GRIA1: variants seen among roughly 807,000 people sequenced by gnomAD.
GRIA1 encodes the protein glutamate ionotropic receptor AMPA type subunit 1, also known as glutamate receptor 1.
Under a neutral mutation model 99.2 loss-of-function variants are expected in GRIA1, and 31 were observed. That is an observed-to-expected ratio of 0.31 (90% CI 0.23 to 0.42). The LOEUF (loss-of-function observed/expected upper bound fraction) is 0.42. GRIA1 is among the 10% of genes least tolerant of loss of function. GRIA1 has a pLI of 1.00. For missense variants in GRIA1, 782 were observed against 1,157.5 expected (o/e 0.68, Z 4.71); for synonymous variants, 438 against 432.4 (o/e 1.01, Z -0.16).
At chr5:153,561,741 T>C (rs1304370811) in intron 2 of GRIA1, among the ~76,000 whole-genome samples, 1 of 152,184 alleles carries the variant, frequency 6.6e-6, no homozygotes, top group Non-Finnish European at 1.5e-5. Context: ...ATTCTTACCA[T>C]CATCACCATC....
At chr5:153,806,791 T>C (rs1425540706) in intron 15 of GRIA1, among the ~76,000 whole-genome samples, 1 of 152,220 alleles carries the variant, frequency 6.6e-6, no homozygotes, top group Non-Finnish European at 1.5e-5. Context: ...TCTACACATT[T>C]TCATTAACCA....
intron 4 of GRIA1, among the ~76,000 whole-genome samples, chr5:153,652,462 G>A (rs1487422311): frequency 6.6e-6 from 1 of 152,114 alleles, no homozygotes; most frequent in East Asian, 1.9e-4. Flanking sequence ...ATGAAGAAAA[G>A]AGAGATTATA....
intron 8 of GRIA1, among the ~76,000 whole-genome samples, chr5:153,687,345 C>T (rs1226509104): frequency 6.6e-6 from 1 of 152,166 alleles, no homozygotes; most frequent in East Asian, 1.9e-4. Flanking sequence ...TTTATTTGAG[C>T]TCTTTGTTCC....
chr5:153,638,612 T>A (rs1000641482), intron 2 of GRIA1, among the ~76,000 whole-genome samples: 1 of 152,222 alleles, frequency 6.6e-6, no homozygotes, highest in African/African-American at 2.4e-5. Flanking sequence ...GGTGAGACCC[T>A]AAAGAGACTG....
intron 2 of GRIA1, among the ~76,000 whole-genome samples, chr5:153,546,165 A>G (rs752000187): frequency 1.1e-4 from 16 of 152,244 alleles, no homozygotes; most frequent in Non-Finnish European, 2.4e-4. Flanking sequence ...TGATTGACCT[A>G]TGTTGAAAGG....
intron 2 of GRIA1, among the ~76,000 whole-genome samples, chr5:153,534,605 T>C (rs1022918862): frequency 6.6e-6 from 1 of 152,228 alleles, no homozygotes; most frequent in East Asian, 1.9e-4. Flanking sequence ...GTATTGGTAG[T>C]TGCTCACAGA....
chr5:153,529,718 G>A (rs1300916983), intron 2 of GRIA1, among the ~76,000 whole-genome samples: 1 of 152,138 alleles, frequency 6.6e-6, no homozygotes, highest in African/African-American at 2.4e-5. Flanking sequence ...AGGGTTATTC[G>A]TAACTGATGC....
chr5:153,777,753 A>G (rs1764355382), intron 13 of GRIA1, among the ~76,000 whole-genome samples: 1 of 152,044 alleles, frequency 6.6e-6, no homozygotes. Context: ...GTCCTCCCCC[A>G]CAGAGAACAT....
chr5:153,703,758 G>A lies in GRIA1; in HGVS notation c.1453-1939G>A, dbSNP rs568767507. On this transcript the variant is annotated intron_variant, in intron 10 of 15. Coordinates refer to ENST00000285900, the MANE Select transcript of GRIA1 (RefSeq NM_000827.4). ...GTCTCAAAAAAAGAAAAGGCAATAT[G>A]GATCAATGATTTCCAGTCTATGATC... Among the ~76,000 whole-genome samples the A allele has an allele frequency of 2.6e-5, 4 of 152,212 alleles. No homozygotes were observed. The East Asian group carries it at 7.7e-4, about 29-fold the overall frequency.
At chr5:153,560,472 C>T (rs1181718301) in intron 2 of GRIA1, among the ~76,000 whole-genome samples, 1 of 152,080 alleles carries the variant, frequency 6.6e-6, no homozygotes, top group South Asian at 2.1e-4. Flanking sequence ...AGGGAGGGAC[C>T]AGGTGGGAGG....
In GRIA1 at chr5:153,565,993, T is replaced by C. The variant is rs557447466; in HGVS notation, c.220+71928T>C. On this transcript the variant is annotated intron_variant, in intron 2 of 15. Transcript: ENST00000285900. ...TCATTTTTCTTGAGTGTGTACCTAG[T>C]GGTGAAATTGCTGTGTTATGTAGTA... 4.7e-4 allele frequency among the ~76,000 whole-genome samples: 71 copies of C among 152,256 alleles called. 1 individual carries two copies. The highest frequency in any genetic ancestry group is 1.7e-3 in the African/African-American group (69 of 41,570).
At chr5:153,662,313 C>A (rs1755429313) in intron 5 of GRIA1, among the ~76,000 whole-genome samples, 1 of 152,214 alleles carries the variant, frequency 6.6e-6, no homozygotes, top group African/African-American at 2.4e-5. Context: ...GACTAAGAAG[C>A]ATGAGGCTGA....
intron 3 of GRIA1, among the ~76,000 whole-genome samples, chr5:153,648,996 T>C (rs140114839): frequency 6.6e-6 from 1 of 152,264 alleles, no homozygotes; most frequent in East Asian, 1.9e-4. Context: ...GGACACAATG[T>C]AATCACAAGG....
intron 13 of GRIA1, among the ~76,000 whole-genome samples, chr5:153,774,394 T>C (rs993498792): frequency 2.0e-5 from 3 of 152,148 alleles, no homozygotes. Context: ...TTTTGAATCA[T>C]AAAAAATACT....
At chr5:153,540,795 CA>C (rs1759006800) in intron 2 of GRIA1, among the ~76,000 whole-genome samples, 2 of 151,836 alleles carry the variant, frequency 1.3e-5, no homozygotes, top group Non-Finnish European at 1.5e-5. Flanking sequence ...ATATGAGACC[CA>C]AAAAAGGAGA....
rs984570138 is a variant in GRIA1 at position 153,728,788 on chromosome 5, A to T, written c.1823+22721A>T. ...GGAACAGGTTTACACTGTTGGTTGG[A>T]CTGTAAACTAGTTCAACCATTGTGG... On this transcript the variant is annotated intron_variant, in intron 11 of 15. Transcript: ENST00000285900. Among the ~76,000 whole-genome samples the T allele has an allele frequency of 1.0e-4, 10 of 98,758 alleles. 1 individual carries two copies. The highest frequency in any genetic ancestry group is 4.4e-4 in the African/African-American group (10 of 22,884). 64.8% of individuals were successfully genotyped at this position (98,758 alleles called of 152,430 possible). A position where few individuals can be genotyped will look rare whatever the true frequency, so the allele number is the denominator to read the frequency against.
intron 2 of GRIA1, among the ~76,000 whole-genome samples, chr5:153,568,948 A>G (rs78728257): frequency 0.013 from 1,913 of 152,250 alleles, 29 homozygotes; most frequent in African/African-American, 0.039. Flanking sequence ...GCCCTTTCCC[A>G]TCCTTTCTAC....
intron 2 of GRIA1, among the ~76,000 whole-genome samples, chr5:153,607,549 A>AT (rs1395125703): frequency 6.6e-6 from 1 of 151,906 alleles, no homozygotes; most frequent in Middle Eastern, 3.4e-3. Context: ...TAAATTTTAA[A>AT]TTTTTTTGAC....
intron 2 of GRIA1, among the ~76,000 whole-genome samples, chr5:153,541,380 A>T (rs1006046127): frequency 8.5e-5 from 13 of 152,312 alleles, no homozygotes; most frequent in African/African-American, 3.1e-4. Context: ...TTTGAAGGAC[A>T]CTATTTGTGC....
Sources: allele counts gnomAD v4.1 joint callset (sites outside exome capture counted in the v4.1 genomes callset), GRCh38; gene constraint gnomAD v4.1.1; transcripts MANE v1.5; gene names NCBI Gene and HGNC (gene_info 2026-07-23, HGNC 2026-07-21).